The following VWC2 variants were observed in gnomAD, a reference collection of about 807,000 sequenced individuals.
VWC2 encodes brorin.
In VWC2, 14 loss-of-function variants were observed where a neutral mutation model predicts 29.8. That is an observed-to-expected ratio of 0.47 (90% CI 0.31 to 0.74). The LOEUF (loss-of-function observed/expected upper bound fraction) is 0.74, where lower values mean the gene tolerates loss of function less well. VWC2 is among the 30% of genes least tolerant of loss of function. The pLI, the probability that VWC2 is intolerant of heterozygous loss-of-function variation, is 0.05. For synonymous variants in VWC2, 213 were observed against 199.0 expected, an observed-to-expected ratio of 1.07 and a Z score of -0.59; for missense variants, 457 against 459.8, an observed-to-expected ratio of 0.99 and a Z score of 0.05.
chr7:49,858,472 G>A (rs552932984), intron 3 of VWC2, among the ~76,000 whole-genome samples: 11 of 149,282 alleles, frequency 7.4e-5, no homozygotes, highest in Non-Finnish European at 1.2e-4. Flanking sequence ...ACCAAACACC[G>A]CATGTTCTCA....
At chr7:49,905,231 A>G (rs1793021768) in intron 3 of VWC2, among the ~76,000 whole-genome samples, 1 of 152,174 alleles carries the variant, frequency 6.6e-6, no homozygotes, top group African/African-American at 2.4e-5. Flanking sequence ...CAGTTCTATG[A>G]TGTATTAGGA....
intron 2 of VWC2, among the ~76,000 whole-genome samples, chr7:49,789,202 T>G (rs1212584813): frequency 7.0e-6 from 1 of 142,644 alleles, no homozygotes; most frequent in East Asian, 2.1e-4. Context: ...TGTGTGAGTG[T>G]GGGTGTGTGT....
chr7:49,775,789 G>A lies in VWC2; in HGVS notation c.354G>A (p.Pro118=). The A allele has an allele frequency of 6.5e-7, 1 of 1,528,466 alleles. No homozygotes were observed. The highest frequency in any genetic ancestry group is 8.8e-7 in the Non-Finnish European group (1 of 1,138,362). 94.7% of individuals were successfully genotyped at this position (1,528,466 alleles called of 1,614,324 possible). The change falls in exon 2 of 4, where the codon CCG becomes CCA. Residue 118 remains proline (P), a synonymous_variant. Transcript: ENST00000340652. ...AGGTCCGGCCCCGCGGGGACACCCCGCAGGCGGAAGCCCTGGCCGCAGCCG... is the reference window on the plus strand; with the variant it reads ...AGGTCCGGCCCCGCGGGGACACCCCACAGGCGGAAGCCCTGGCCGCAGCCG... The part of the protein sequence containing the change: ...DLQVRPRGDT[P]QAEALAAAAQ...
chr7:49,899,273 A>G (rs909163117), intron 3 of VWC2, among the ~76,000 whole-genome samples: 7 of 152,058 alleles, frequency 4.6e-5, no homozygotes, highest in Non-Finnish European at 1.0e-4. Context: ...TGATTTATGT[A>G]CCAGGAAAGA....
chr7:49,807,967 T>G (rs965851644), intron 3 of VWC2, among the ~76,000 whole-genome samples: 10 of 152,136 alleles, frequency 6.6e-5, no homozygotes, highest in Non-Finnish European at 2.9e-5. Context: ...TCTGTGTACA[T>G]CAATTACCAT....
rs1440546959 is a variant in VWC2 at position 49,919,605 on chromosome 7, T to C, written c.*7420T>C. On this transcript the variant is annotated 3_prime_UTR_variant, in exon 4 of 4. Coordinates refer to ENST00000340652, the MANE Select transcript of VWC2 (RefSeq NM_198570.5). ...AATTTAATTTAATATAGATTAATTA[T>C]AAAAATAATCTACCCATGTTACATA... 1 of 152,164 alleles carries C rather than the reference T, an allele frequency of 6.6e-6. No homozygotes were observed. The highest frequency in any genetic ancestry group is 1.9e-4 in the East Asian group (1 of 5,204). 9.4% of individuals were successfully genotyped at this position (152,164 alleles called of 1,614,324 possible). A position where few individuals can be genotyped will look rare whatever the true frequency, so the allele number is the denominator to read the frequency against.
chr7:49,891,609 A>G (rs2128730688), intron 3 of VWC2, among the ~76,000 whole-genome samples: 1 of 152,308 alleles, frequency 6.6e-6, no homozygotes, highest in South Asian at 2.1e-4. Flanking sequence ...ATAAAATATA[A>G]CAATAAAAAA....
At chr7:49,872,830 C>T (rs690843) in intron 3 of VWC2, among the ~76,000 whole-genome samples, 3,257 of 136,582 alleles carry the variant, frequency 0.024, 138 homozygotes, top group African/African-American at 0.083. Context: ...ACAGGAGAAT[C>T]GCTTGAAACC....
At chr7:49,789,577 G>T (rs906891934) in intron 2 of VWC2, among the ~76,000 whole-genome samples, 1 of 152,100 alleles carries the variant, frequency 6.6e-6, no homozygotes, top group African/African-American at 2.4e-5. Flanking sequence ...TTCTTAGGAA[G>T]ACATTATTTT....
At chr7:49,821,936 G>A (rs962536891) in intron 3 of VWC2, among the ~76,000 whole-genome samples, 1 of 152,048 alleles carries the variant, frequency 6.6e-6, no homozygotes, top group Non-Finnish European at 1.5e-5. Flanking sequence ...AATAAATATA[G>A]AAGCTATAAT....
At chr7:49,891,110 T>A (rs1792107728) in intron 3 of VWC2, among the ~76,000 whole-genome samples, 1 of 152,236 alleles carries the variant, frequency 6.6e-6, no homozygotes, top group Non-Finnish European at 1.5e-5. Context: ...CTCCATATTC[T>A]GCTTTCAAGG....
intron 2 of VWC2, among the ~76,000 whole-genome samples, chr7:49,782,542 T>TAAAAAA (rs11354472): frequency 6.9e-6 from 1 of 145,908 alleles, no homozygotes; most frequent in African/African-American, 2.6e-5. Flanking sequence ...TTCTAGTGGT[T>TAAAAAA]AAAAAAAAAA....
At chr7:49,893,287 G>A (rs975561710) in intron 3 of VWC2, among the ~76,000 whole-genome samples, 3 of 152,144 alleles carry the variant, frequency 2.0e-5, no homozygotes, top group Non-Finnish European at 2.9e-5. Context: ...CCAGAGGGCT[G>A]GAAGGAAGAG....
intron 2 of VWC2, among the ~76,000 whole-genome samples, chr7:49,781,644 C>CAT (rs1179666881): frequency 2.0e-5 from 3 of 152,026 alleles, no homozygotes; most frequent in African/African-American, 7.2e-5. Context: ...TCTTCGTGAC[C>CAT]ATATGGTGAT....
At chr7:49,840,793 C>T (rs76660891) in intron 3 of VWC2, among the ~76,000 whole-genome samples, 257 of 152,194 alleles carry the variant, frequency 1.7e-3, no homozygotes, top group African/African-American at 6.1e-3. Context: ...TTAGTTTCCC[C>T]GTATTTCAGG....
chr7:49,813,712 T>C (rs1184164055), intron 3 of VWC2, among the ~76,000 whole-genome samples: 1 of 152,184 alleles, frequency 6.6e-6, no homozygotes, highest in Non-Finnish European at 1.5e-5. Context: ...ACTTTAAAAT[T>C]GGAAAATATC....
chr7:49,890,451 T>C (rs1792080097), intron 3 of VWC2, among the ~76,000 whole-genome samples: 1 of 152,158 alleles, frequency 6.6e-6, no homozygotes, highest in South Asian at 2.1e-4. Flanking sequence ...TTTGACTTTT[T>C]ACAGACCAAT....
At chr7:49,815,879 C>A (rs552861398) in intron 3 of VWC2, among the ~76,000 whole-genome samples, 2 of 152,064 alleles carry the variant, frequency 1.3e-5, no homozygotes, top group Admixed American at 6.5e-5. Flanking sequence ...CTTTGCTGTA[C>A]GCCACAAAAG....
intron 3 of VWC2, among the ~76,000 whole-genome samples, chr7:49,822,225 A>C (rs1266999016): frequency 1.3e-5 from 2 of 152,118 alleles, no homozygotes; most frequent in Non-Finnish European, 2.9e-5. Context: ...TTGAAGTTTT[A>C]GAAAGTTGCC....
Sources: gnomAD v4.1 joint callset for allele counts (sites outside exome capture counted in the v4.1 genomes callset) on GRCh38, gnomAD v4.1.1 for gene constraint, MANE v1.5 for transcripts, NCBI Gene and HGNC (gene_info 2026-07-23, HGNC 2026-07-21) for gene names.